Variants in EFR3B observed in about 807,000 individuals in gnomAD.
The protein encoded by EFR3B is protein EFR3 homolog B.
Under a neutral mutation model 104.7 loss-of-function variants are expected in EFR3B, and 64 were observed. The observed-to-expected ratio is 0.61, with a 90% CI of 0.50 to 0.75. EFR3B has a LOEUF of 0.75. Ranked by LOEUF, EFR3B falls within the 30% of genes least tolerant of loss-of-function variation. The pLI is 0.00. For synonymous variants in EFR3B, 385 were observed against 417.9 expected (o/e 0.92, Z 0.96); for missense variants, 750 against 1,078.5 (o/e 0.70, Z 4.27).
At chr2:25,133,236 C>T (rs1208918371) in intron 11 of EFR3B, 147 bp from the exon 12 acceptor site, 7 of 955,064 alleles carry the variant, frequency 7.3e-6, no homozygotes, top group African/African-American at 3.2e-5. Context: ...ATCTCTTGGT[C>T]GGCTTCCTGG....
At chr2:25,087,974 G>T (rs1045590407) in intron 1 of EFR3B, among the ~76,000 whole-genome samples, 1 of 152,234 alleles carries the variant, frequency 6.6e-6, no homozygotes, top group Non-Finnish European at 1.5e-5. Flanking sequence ...CTTCTGTCCA[G>T]GGTGTAAGGG....
intron 1 of EFR3B, among the ~76,000 whole-genome samples, chr2:25,060,647 G>A (rs1668165472): frequency 1.3e-5 from 2 of 151,734 alleles, no homozygotes; most frequent in South Asian, 2.1e-4. Flanking sequence ...TCGGCCGGGC[G>A]CGGTGGCTCA....
chr2:25,127,424 C>T (rs575638409), intron 5 of EFR3B, among the ~76,000 whole-genome samples: 13 of 152,162 alleles, frequency 8.5e-5, no homozygotes, highest in African/African-American at 3.1e-4. Flanking sequence ...AAAGGAATTA[C>T]ATCAAAATGC....
chr2:25,132,868 G>A, intron 10 of EFR3B, 35 bp from the exon 11 acceptor site: 1 of 1,524,218 alleles, frequency 6.6e-7, no homozygotes, highest in South Asian at 1.2e-5. Context: ...TGGAGCCTGT[G>A]CCTCACTGGG....
intron 5 of EFR3B, among the ~76,000 whole-genome samples, chr2:25,125,125 G>A (rs1670129187): frequency 6.6e-6 from 1 of 152,198 alleles, no homozygotes; most frequent in South Asian, 2.1e-4. Context: ...TGATCTTTCT[G>A]AACTTCTTTT....
intron 20 of EFR3B, among the ~76,000 whole-genome samples, chr2:25,150,056 C>G (rs941972349): frequency 2.6e-5 from 4 of 152,064 alleles, no homozygotes; most frequent in African/African-American, 9.7e-5. Flanking sequence ...AATCCCAGCA[C>G]TTTGGGAGGC....
chr2:25,088,261 T>A (rs1669015115), intron 1 of EFR3B, among the ~76,000 whole-genome samples: 1 of 152,036 alleles, frequency 6.6e-6, no homozygotes, highest in South Asian at 2.1e-4. Context: ...GTTTGTAGAG[T>A]TGGTGCTGAG....
chr2:25,116,680 T>C (rs1449225651), intron 4 of EFR3B, among the ~76,000 whole-genome samples: 1 of 148,616 alleles, frequency 6.7e-6, no homozygotes, highest in Non-Finnish European at 1.5e-5. Context: ...GGAAGAGGAG[T>C]ACAGAAGAAC....
At chr2:25,056,202 T>C (rs560465791) in intron 1 of EFR3B, among the ~76,000 whole-genome samples, 1 of 152,230 alleles carries the variant, frequency 6.6e-6, no homozygotes, top group East Asian at 1.9e-4. Flanking sequence ...ATAAAGAATA[T>C]ATTAGAATAC....
intron 1 of EFR3B, among the ~76,000 whole-genome samples, chr2:25,065,080 G>A (rs963247704): frequency 2.7e-5 from 3 of 110,652 alleles, no homozygotes; most frequent in South Asian, 3.3e-4. Flanking sequence ...CCCACCTGGC[G>A]GGGGGGGCGG....
At chr2:25,120,486 A>C (rs939600211) in intron 4 of EFR3B, among the ~76,000 whole-genome samples, 3 of 152,090 alleles carry the variant, frequency 2.0e-5, no homozygotes, top group African/African-American at 7.2e-5. Context: ...TCTACTAAAA[A>C]TACAAAAATT....
At chr2:25,133,110 C>T in intron 11 of EFR3B, 96 bp downstream of exon 11, 3 of 1,176,896 alleles carry the variant, frequency 2.5e-6, no homozygotes, top group Non-Finnish European at 2.4e-6. Context: ...TTGGCTCTGC[C>T]CTCTGCTCTC....
At chr2:25,087,105 A>G (rs1288655792) in intron 1 of EFR3B, among the ~76,000 whole-genome samples, 1 of 152,056 alleles carries the variant, frequency 6.6e-6, no homozygotes, top group Non-Finnish European at 1.5e-5. Flanking sequence ...GGCGGCGGCG[A>G]GGAGAAGTGC....
chr2:25,081,301 G>T, intron 1 of EFR3B: 2 of 936,778 alleles, frequency 2.1e-6, no homozygotes, highest in Non-Finnish European at 1.7e-6. Context: ...GCTGAAACCT[G>T]CGCCTTCATC....
chr2:25,125,576 T>C (rs1670139847), intron 5 of EFR3B, among the ~76,000 whole-genome samples: 1 of 152,180 alleles, frequency 6.6e-6, no homozygotes, highest in Admixed American at 6.5e-5. Flanking sequence ...CAGGGTATCC[T>C]GTTTCTCCTA....
At chr2:25,050,722 A>G (rs931271099) in intron 1 of EFR3B, among the ~76,000 whole-genome samples, 1 of 152,208 alleles carries the variant, frequency 6.6e-6, no homozygotes, top group Non-Finnish European at 1.5e-5. Flanking sequence ...TAAGCAGGCC[A>G]TGTTGCAAAT....
intron 5 of EFR3B, among the ~76,000 whole-genome samples, chr2:25,124,192 C>T (rs981648087): frequency 5.3e-5 from 8 of 151,976 alleles, no homozygotes; most frequent in Non-Finnish European, 1.2e-4. Context: ...TCATTTTGGT[C>T]TAGGAACCCA....
intron 3 of EFR3B, among the ~76,000 whole-genome samples, chr2:25,102,983 C>G (rs192495958): frequency 1.6e-4 from 24 of 152,318 alleles, no homozygotes; most frequent in Admixed American, 1.6e-3. Flanking sequence ...CTTTCAAACA[C>G]AATACCTGCA....
chr2:25,072,238 T>C (rs1668519593), intron 1 of EFR3B, among the ~76,000 whole-genome samples: 1 of 151,054 alleles, frequency 6.6e-6, no homozygotes, highest in Non-Finnish European at 1.5e-5. Flanking sequence ...CCTTCCTTTC[T>C]GTTCTCTTTC....
Sources: gnomAD v4.1 joint callset for allele counts (sites outside exome capture counted in the v4.1 genomes callset) on GRCh38, gnomAD v4.1.1 for gene constraint, MANE v1.5 for transcripts, NCBI Gene and HGNC (gene_info 2026-07-23, HGNC 2026-07-21) for gene names.